KIF1C: variants seen among roughly 807,000 people sequenced by gnomAD.
KIF1C encodes kinesin family member 1C.
In KIF1C, 61 loss-of-function variants were observed where a neutral mutation model predicts 126.5. That is an observed-to-expected ratio of 0.48 (90% CI 0.39 to 0.60). The LOEUF is 0.60. Among genes scored for constraint, KIF1C ranks in the 20% least tolerant of loss-of-function variants. KIF1C has a pLI of 0.00. For missense variants in KIF1C, 1,315 were observed against 1,489.2 expected (o/e 0.88, Z 1.93); for synonymous variants, 640 against 580.6 (o/e 1.10, Z -1.47).
chr17:5,002,851 GCCCC>G lies in KIF1C; in HGVS notation c.720+17_720+20del, dbSNP rs10533622. On this transcript the variant is annotated intron_variant, in intron 8 of 22. Transcript: ENST00000320785. ...GGCTGGACTCGGAGAAGGTGGGATC[GCCCC>G]CCCCCCCACTCCCCCACCGGATGCA... The G allele has an allele frequency of 3.5e-6, 5 of 1,422,118 alleles. No individual in the cohort carries two copies. The African/African-American group carries it at 5.9e-5, about 17-fold the overall frequency. The allele number at this position is 1,422,118 out of a possible 1,614,324, so 88.1% of individuals were successfully genotyped here.
intron 17 of KIF1C, among the ~76,000 whole-genome samples, chr17:5,013,990 A>AC (rs1451849963): frequency 6.6e-6 from 1 of 151,750 alleles, no homozygotes; most frequent in East Asian, 1.9e-4. Context: ...GGAAACATAG[A>AC]CCCCCTCATT....
At chr17:5,000,999 C>G (rs1371441629) in intron 4 of KIF1C, 151 bp downstream of exon 4, 2 of 942,336 alleles carry the variant, frequency 2.1e-6, no homozygotes, top group Non-Finnish European at 3.3e-6. Flanking sequence ...GACCCTTAGG[C>G]TGTGATTGAG....
Position 5,004,585 on chromosome 17 carries a change from C to T in KIF1C, c.959C>T (p.Ala320Val). Residue 320 changes from alanine to valine, a missense_variant, in exon 12 of 23, where the codon GCC becomes GTC. Ala to Val is a moderately conservative substitution (Grantham distance 64). This residue lies in a region of KIF1C where 874 missense variants were observed against 1,053.2 expected (regional missense o/e 0.83). Coordinates refer to ENST00000320785, the MANE Select transcript of KIF1C (RefSeq NM_006612.6). ...TTCACAGGGGGGAACTCACGCACAGCCATGATTGCAGCCCTGAGCCCTGCT... is the reference window on the plus strand; with the variant it reads ...TTCACAGGGGGGAACTCACGCACAGTCATGATTGCAGCCCTGAGCCCTGCT... ...KENLGGNSRT[A>V]MIAALSPADI... 6.2e-7 allele frequency: 1 copy of T among 1,614,154 alleles called. No homozygotes were observed. Among genetic ancestry groups the T allele is most frequent in the Non-Finnish European group, 8.5e-7 (1 of 1,180,020 alleles).
chr17:5,024,031 A>T lies in KIF1C; in HGVS notation c.3192A>T (p.Pro1064=), dbSNP rs1491003372. ...QPKKHNSYPQ[P]PQPYPAQRPP... ...AAAAGCACAACTCTTATCCCCAGCC[A>T]CCCCAACCCTACCCAGCCCAGCGGC... is the stretch of plus-strand genomic sequence containing the variant. The change falls in exon 23 of 23, where the codon CCA becomes CCT. Residue 1064 remains proline, a synonymous_variant. Coordinates refer to ENST00000320785, the MANE Select transcript of KIF1C (RefSeq NM_006612.6). 1 of 1,587,086 alleles carries T rather than the reference A, an allele frequency of 6.3e-7. No individual in the cohort carries two copies. The highest frequency in any genetic ancestry group is 2.3e-5 in the East Asian group (1 of 43,248).
chr17:5,024,547 G>GTCTCTGTCTGTC lies in KIF1C; in HGVS notation c.*399_*400insCTGTCTGTCTCT, dbSNP rs147199668. 5.5e-6 allele frequency: 1 copy of GTCTCTGTCTGTC among 182,698 alleles called. No individual in the cohort carries two copies. Among genetic ancestry groups the GTCTCTGTCTGTC allele is most frequent in the Non-Finnish European group, 1.1e-5 (1 of 88,094 alleles). 11.3% of individuals were successfully genotyped at this position (182,698 alleles called of 1,614,324 possible). ...CTCCCCAGCCCCTGTCCGTCTGTCT[G>GTCTCTGTCTGTC]TCTGTCTGTGGTGGTTTCTGTTTCT... On this transcript the variant is annotated 3_prime_UTR_variant, in exon 23 of 23. Transcript: ENST00000320785.
chr17:5,000,864 G>C lies in KIF1C; in HGVS notation c.183+16G>C. ...ACACACTTCGGTGGGTTGTTGGGCT[G>C]GGGGAAGAGCAAGGCAGTGAGAGAC... On this transcript the variant is annotated intron_variant, in intron 4 of 22. Transcript: ENST00000320785. 1 of 1,611,392 alleles carries C rather than the reference G, an allele frequency of 6.2e-7. No homozygotes were observed. Among genetic ancestry groups the C allele is most frequent in the East Asian group, 2.2e-5 (1 of 44,874 alleles).
rs202059928 is a variant in KIF1C at position 5,023,750 on chromosome 17, C to A, written c.2911C>A (p.Pro971Thr). Reference protein sequence around the residue: ...GLRRPPARFVPPHDCKLRFPF... With the variant: ...GLRRPPARFVTPHDCKLRFPF... ...GCGCAGGCCCCCAGCCCGCTTTGTG[C>A]CCCCTCACGACTGCAAGCTACGCTT... The change falls in exon 23 of 23, where the codon CCC (proline) becomes ACC (threonine). Residue 971 changes from proline (P) to threonine (T), a missense_variant. Pro to Thr is a conservative substitution (Grantham distance 38). Coordinates refer to ENST00000320785, the MANE Select transcript of KIF1C (RefSeq NM_006612.6). The surrounding 1 kb of genome is among the most constrained non-coding windows in gnomAD (Gnocchi z 4.2). The A allele has an allele frequency of 3.4e-5, 52 of 1,523,022 alleles. No homozygotes were observed. In the African/African-American group the frequency reaches 6.0e-4, roughly 18 times the overall value. The allele number at this position is 1,523,022 out of a possible 1,614,324, so 94.3% of individuals were successfully genotyped here.
chr17:5,014,472 C>T (rs952322228), intron 17 of KIF1C, among the ~76,000 whole-genome samples: 15 of 152,116 alleles, frequency 9.9e-5, no homozygotes, highest in African/African-American at 3.6e-4. Flanking sequence ...CATGCTCTCC[C>T]AGCTTCAAGA....
Position 5,002,750 on chromosome 17 carries a change from A to C in KIF1C, c.628A>C (p.Met210Leu), listed in dbSNP as rs938481858. 6.2e-7 allele frequency: 1 copy of C among 1,614,054 alleles called. No homozygotes were observed. Among genetic ancestry groups the C allele is most frequent in the Non-Finnish European group, 8.5e-7 (1 of 1,179,990 alleles). Reference sequence around the variant, plus strand: ...CCTAAGGACTGTGGCTGCCACCAACATGAATGAGACCAGCAGCCGTTCCCA... The same window carrying C: ...CCTAAGGACTGTGGCTGCCACCAACCTGAATGAGACCAGCAGCCGTTCCCA... ...NKARTVAATN[M>L]NETSSRSHAV... Residue 210 changes from methionine (M) to leucine (L), a missense_variant, in exon 8 of 23, where the codon ATG (methionine) becomes CTG (leucine). Around this residue, in one of 2 missense-constraint regions of KIF1C, gnomAD observed 874 missense variants for 1,053.2 expected, o/e 0.83. Transcript: ENST00000320785.
Position 5,024,109 on chromosome 17 carries a change from G to A in KIF1C, c.3270G>A (p.Gln1090=), listed in dbSNP as rs1283820767. 1.2e-6 allele frequency: 2 copies of A among 1,610,916 alleles called. No individual in the cohort carries two copies. The highest frequency in any genetic ancestry group is 1.3e-5 in the African/African-American group (1 of 74,826). Residue 1090 remains glutamine, a synonymous_variant, in exon 23 of 23, where the codon CAG becomes CAA. Transcript: ENST00000320785. ...CTACTCCCCCACGAATGAGACGGCAGCGTTCTGCCCCTGACCTCAAGGAGA... is the reference window on the plus strand; with the variant it reads ...CTACTCCCCCACGAATGAGACGGCAACGTTCTGCCCCTGACCTCAAGGAGA... ...PYTTPPRMRR[Q]RSAPDLKESG...
intron 17 of KIF1C, 77 bp from the exon 18 acceptor site, chr17:5,014,666 T>C (rs1257158708): frequency 1.9e-6 from 2 of 1,032,214 alleles, no homozygotes; most frequent in Non-Finnish European, 3.0e-6. Flanking sequence ...GTTCATTGAG[T>C]TGGATAAACT....
intron 16 of KIF1C, among the ~76,000 whole-genome samples, chr17:5,009,242 C>A (rs919972498): frequency 6.6e-6 from 1 of 151,328 alleles, no homozygotes; most frequent in African/African-American, 2.4e-5. Context: ...TGCAACGGTG[C>A]AATCTTGGCT....
rs199966544 is a variant in KIF1C, at chr17:5,024,056, C to T, written c.3217C>T (p.Pro1073Ser). 2.2e-4 allele frequency: 351 copies of T among 1,574,204 alleles called. No homozygotes were observed. Among genetic ancestry groups the T allele is most frequent in the Non-Finnish European group, 2.7e-4 (314 of 1,159,324 alleles). ...ACCCCAACCCTACCCAGCCCAGCGG[C>T]CCCCAGGGCCCCGCTACCCCCCATA... ...QPPQPYPAQR[P>S]PGPRYPPYTT... The change falls in exon 23 of 23, where the codon CCC becomes TCC. Residue 1073 changes from proline to serine, a missense_variant. Coordinates refer to ENST00000320785, the MANE Select transcript of KIF1C (RefSeq NM_006612.6).
rs1204108834 is a variant in KIF1C at position 5,002,600 on chromosome 17, A to C, written c.566A>C (p.Tyr189Ser). 2.5e-6 allele frequency: 4 copies of C among 1,613,888 alleles called. No homozygotes were observed. The highest frequency in any genetic ancestry group is 3.4e-6 in the Non-Finnish European group (4 of 1,179,848). ...QDLSKLAVTSYADIADLMDCG... is the reference protein window; with the variant it reads ...QDLSKLAVTSSADIADLMDCG... ...CTGTCCAAATTGGCTGTGACCTCCT[A>C]CGCAGACATTGCTGACCTCATGGAC... The change falls in exon 7 of 23, where the codon TAC (tyrosine) becomes TCC (serine). Residue 189 changes from tyrosine (Y) to serine (S), a missense_variant. Physicochemically the swap from Tyr to Ser is moderately radical, Grantham distance 144. This residue lies in a region of KIF1C where 874 missense variants were observed against 1,053.2 expected (regional missense o/e 0.83). Coordinates refer to ENST00000320785, the MANE Select transcript of KIF1C (RefSeq NM_006612.6).
At position 5,020,807 on chromosome 17, in the gene KIF1C, C is replaced by CT; in HGVS notation, c.1940dup (p.Gln648AlafsTer32). ...CCTTCCCTCCCTGTCCAATCCCAGG[C>CT]TGCAGGATCTGGAGAATCAGTACCG... is the stretch of plus-strand genomic sequence containing the variant. On this transcript the variant is annotated frameshift_variant and splice_region_variant, in exon 21 of 23. Coordinates refer to ENST00000320785, the MANE Select transcript of KIF1C (RefSeq NM_006612.6). LOFTEE classifies it high-confidence loss of function. The surrounding 1 kb of genome is among the most constrained non-coding windows in gnomAD (Gnocchi z 5.8). 1 of 1,594,936 alleles carries CT rather than the reference C, an allele frequency of 6.3e-7. No individual in the cohort carries two copies. The highest frequency in any genetic ancestry group is 8.5e-7 in the Non-Finnish European group (1 of 1,170,356).
rs146372874 is a variant in KIF1C at position 5,003,180 on chromosome 17, G to C, written c.720+338G>C. 4.1e-3 allele frequency among the ~76,000 whole-genome samples: 626 copies of C among 152,240 alleles called. 1 individual carries two copies. The highest frequency in any genetic ancestry group is 7.3e-3 in the Non-Finnish European group (495 of 67,996). ...CTGCCTCAGCCTCCCGAGTACCTGG[G>C]ATTACAGGCATGCGCCACCAGGCCC... is the stretch of plus-strand genomic sequence containing the variant. On this transcript the variant is annotated intron_variant, in intron 8 of 22. Transcript: ENST00000320785.
At chr17:5,006,776 C>T in intron 13 of KIF1C, 139 bp from the exon 14 acceptor site, 1 of 849,954 alleles carries the variant, frequency 1.2e-6, no homozygotes, top group Non-Finnish European at 1.8e-6. Flanking sequence ...AGGAGGGCTC[C>T]TTGCCTGGTA....
intron 14 of KIF1C, 50 bp downstream of exon 14, chr17:5,007,134 T>C (rs1271079543): frequency 6.3e-7 from 1 of 1,577,316 alleles, no homozygotes; most frequent in Non-Finnish European, 8.6e-7. Context: ...TTCCTGGGAG[T>C]TTACTTCTCC....
chr17:5,000,739 A>C, intron 3 of KIF1C, 33 bp from the exon 4 acceptor site: 1 of 1,606,000 alleles, frequency 6.2e-7, no homozygotes, highest in Non-Finnish European at 8.5e-7. Flanking sequence ...CCTGACCTTG[A>C]CTTTCCTTCC....
Sources: gnomAD v4.1 joint callset for allele counts (sites outside exome capture counted in the v4.1 genomes callset) on GRCh38, gnomAD v4.1.1 for gene constraint, gnomAD v4.1.1 regional missense constraint, Gnocchi (gnomAD v3.1) non-coding constraint, MANE v1.5 for transcripts, NCBI Gene and HGNC (gene_info 2026-07-23, HGNC 2026-07-21) for gene names.